The following NR1D1 variants were observed in gnomAD, a reference collection of about 807,000 sequenced individuals.
The protein encoded by NR1D1 is Rev-ErbAalpha.
In NR1D1, 17 loss-of-function variants were observed where a neutral mutation model predicts 51.1. That is an observed-to-expected ratio of 0.33 (90% CI 0.23 to 0.50). The LOEUF is 0.50. Ranked by LOEUF, NR1D1 falls within the 20% of genes least tolerant of loss-of-function variation. The pLI is 0.98. For synonymous variants in NR1D1, 341 were observed against 333.4 expected (o/e 1.02, Z -0.25); for missense variants, 647 against 830.4 (o/e 0.78, Z 2.71).
chr17:40,099,934 C>G lies in NR1D1; in HGVS notation c.31+130G>C. The G allele has an allele frequency of 4.0e-6, 3 of 745,928 alleles. No individual in the cohort carries two copies. In the South Asian group the frequency reaches 4.6e-5, roughly 11 times the overall value. 46.2% of individuals were successfully genotyped at this position (745,928 alleles called of 1,614,324 possible). A position where few individuals can be genotyped will look rare whatever the true frequency, so the allele number is the denominator to read the frequency against. ...CTCTGGAAATCCCACACTAAAGCAC[C>G]GCAGCACGTTAGCAAATCTCCGGGC... On this transcript the variant is annotated intron_variant, in intron 1 of 7. Transcript: ENST00000246672.
chr17:40,096,639 G>A (rs1375501234), intron 3 of NR1D1, 52 bp from the exon 4 acceptor site: 2 of 1,613,874 alleles, frequency 1.2e-6, no homozygotes, highest in East Asian at 4.5e-5. Context: ...GGGCCTCTGT[G>A]TCCAGGGGGA....
chr17:40,093,025 A>C lies in NR1D1; in HGVS notation c.*58T>G, dbSNP rs769906494. On this transcript the variant is annotated 3_prime_UTR_variant, in exon 8 of 8. Transcript: ENST00000246672. The surrounding 1 kb of genome is among the most constrained non-coding windows in gnomAD (Gnocchi z 5.9). ...TTCCTTTTCGTCTCGTAAAGGAGAG[A>C]GAAGTGCAGAGTTCGATTCTGTACA... 2 of 1,611,062 alleles carry C rather than the reference A, an allele frequency of 1.2e-6. No homozygotes were observed. The highest frequency in any genetic ancestry group is 1.7e-6 in the Non-Finnish European group (2 of 1,177,372).
Position 40,092,867 on chromosome 17 carries a change from G to A in NR1D1, c.*216C>T, listed in dbSNP as rs567142236. The A allele has an allele frequency of 7.1e-5, 77 of 1,089,794 alleles. No individual in the cohort carries two copies. The Admixed American group carries it at 8.7e-4, about 12-fold the overall frequency. The allele number at this position is 1,089,794 out of a possible 1,614,324, so 67.5% of individuals were successfully genotyped here. ...CCAGGGGAGGGTTGTGGGGGAGACA[G>A]AGTGGTTTAAATAGGGGAGGAGGGG... On this transcript the variant is annotated 3_prime_UTR_variant, in exon 8 of 8. Transcript: ENST00000246672.
At chr17:40,095,160 G>C (rs1316972742) in intron 5 of NR1D1, 40 bp from the exon 6 acceptor site, 1 of 1,587,738 alleles carries the variant, frequency 6.3e-7, no homozygotes. Context: ...GTGTCAGCCA[G>C]GCTGGGTCAG....
rs1369356695 is a variant in NR1D1, at chr17:40,100,374, A to G, written c.-280T>C. 3 of 584,046 alleles carry G rather than the reference A, an allele frequency of 5.1e-6. No homozygotes were observed. The highest frequency in any genetic ancestry group is 9.2e-6 in the Non-Finnish European group (3 of 327,386). 36.2% of individuals were successfully genotyped at this position (584,046 alleles called of 1,614,324 possible). A position where few individuals can be genotyped will look rare whatever the true frequency, so the allele number is the denominator to read the frequency against. ...GCAGTAGTTCTGGCTAGAAGGTAGCAAGGAGGGTCGGGTCTCTGCAGTGTA... is the reference window on the plus strand; with the variant it reads ...GCAGTAGTTCTGGCTAGAAGGTAGCGAGGAGGGTCGGGTCTCTGCAGTGTA... On this transcript the variant is annotated 5_prime_UTR_variant, in exon 1 of 8. Transcript: ENST00000246672.
intron 2 of NR1D1, 53 bp downstream of exon 2, chr17:40,097,012 A>G: frequency 6.6e-7 from 1 of 1,507,066 alleles, no homozygotes; most frequent in African/African-American, 1.4e-5. Context: ...ACCCATTCCC[A>G]ATCTGGCCCT....
chr17:40,097,541 T>C, intron 1 of NR1D1, 138 bp from the exon 2 acceptor site: 1 of 699,046 alleles, frequency 1.4e-6, no homozygotes, highest in Non-Finnish European at 2.4e-6. Flanking sequence ...AATCTTGGAG[T>C]TAATAAGCAA....
chr17:40,093,819 C>G lies in NR1D1; in HGVS notation c.1645+93G>C, dbSNP rs1001339408. On this transcript the variant is annotated intron_variant, in intron 7 of 7. Transcript: ENST00000246672. This position sits in a 1 kb window ranked among gnomAD's most constrained non-coding sequence, Gnocchi z 5.9. ...ATGTCTGTATCCCCAGTGCCCGGTG[C>G]AGGGCCTGGCATAGAGTAGGTACTC... is the stretch of plus-strand genomic sequence containing the variant. 2 of 1,157,268 alleles carry G rather than the reference C, an allele frequency of 1.7e-6. No homozygotes were observed. Among genetic ancestry groups the G allele is most frequent in the African/African-American group, 3.0e-5 (2 of 65,938 alleles). The allele number at this position is 1,157,268 out of a possible 1,614,324, so 71.7% of individuals were successfully genotyped here. A position where few individuals can be genotyped will look rare whatever the true frequency, so the allele number is the denominator to read the frequency against.
Position 40,096,594 on chromosome 17 carries a change from G to T in NR1D1, c.460-7C>A. Reference sequence around the variant, plus strand: ...TGCTCCGACGGAAAAAGCCCTGGAGGGCAGGGGTGGTTAGTGACCACCTCC... The same window carrying T: ...TGCTCCGACGGAAAAAGCCCTGGAGTGCAGGGGTGGTTAGTGACCACCTCC... On this transcript the variant is annotated splice_polypyrimidine_tract_variant and splice_region_variant and intron_variant, in intron 3 of 7. Coordinates refer to ENST00000246672, the MANE Select transcript of NR1D1 (RefSeq NM_021724.5). The T allele has an allele frequency of 6.2e-7, 1 of 1,614,034 alleles. No individual in the cohort carries two copies. Among genetic ancestry groups the T allele is most frequent in the Middle Eastern group, 1.6e-4 (1 of 6,062 alleles).
intron 4 of NR1D1, 45 bp from the exon 5 acceptor site, chr17:40,096,132 C>A: frequency 1.3e-6 from 2 of 1,586,092 alleles, no homozygotes; most frequent in South Asian, 1.1e-5. Flanking sequence ...CAACCATGCT[C>A]ACGTGCTTCT....
intron 5 of NR1D1, 127 bp from the exon 6 acceptor site, chr17:40,095,247 GATA>G: frequency 8.6e-7 from 1 of 1,168,546 alleles, no homozygotes; most frequent in Non-Finnish European, 1.2e-6. Context: ...GGGTCTTTCA[GATA>G]AAGTAGCAAT....
In NR1D1 at chr17:40,095,476, G is replaced by A. The variant is rs774654936; in HGVS notation, c.1216C>T (p.Pro406Ser). ...ACATTCTTTGAGTTGCCCTGCCGGG[G>A]ACTGTTGGCAGGTGCCTTGCCTTCT... is the stretch of plus-strand genomic sequence containing the variant. Reference protein sequence around the residue: ...APEGKAPANSPRQGNSKNVLL... With the variant: ...APEGKAPANSSRQGNSKNVLL... The change falls in exon 5 of 8, where the codon CCC becomes TCC. Residue 406 changes from proline to serine, a missense_variant. Pro to Ser is a moderately conservative substitution (Grantham distance 74). Coordinates refer to ENST00000246672, the MANE Select transcript of NR1D1 (RefSeq NM_021724.5). 3 of 1,542,296 alleles carry A rather than the reference G, an allele frequency of 1.9e-6. No individual in the cohort carries two copies. The highest frequency in any genetic ancestry group is 1.2e-5 in the South Asian group (1 of 80,306).
chr17:40,093,896 C>T lies in NR1D1; in HGVS notation c.1645+16G>A, dbSNP rs140575858. The stretch of plus-strand genomic sequence containing the variant: ...CGTCTGCCTCCTCCCCCGGGTCAGG[C>T]GAGAGCCTGACCTACCTGCAGAGAC... On this transcript the variant is annotated intron_variant, in intron 7 of 7. Transcript: ENST00000246672. The surrounding 1 kb of genome is among the most constrained non-coding windows in gnomAD (Gnocchi z 5.9). 2.7e-5 allele frequency: 44 copies of T among 1,606,106 alleles called. No individual in the cohort carries two copies. Among genetic ancestry groups the T allele is most frequent in the East Asian group, 2.0e-4 (9 of 44,834 alleles).
chr17:40,096,064 TG>T lies in NR1D1; in HGVS notation c.627del (p.Lys210AsnfsTer15). Reference sequence around the variant, plus strand: ...GCAAGCATCCGCTGCTTCTCTCGTTTGGGGATGCGCCCAAAACGCACAGCTG... The same window carrying T: ...GCAAGCATCCGCTGCTTCTCTCGTTTGGGATGCGCCCAAAACGCACAGCTG... Reference protein sequence around the residue: ...SRDAVRFGRIPKREKQRMLAE... With the variant: ...SRDAVRFGRIXKREKQRMLAE... On this transcript the variant is annotated frameshift_variant, in exon 5 of 8. Transcript: ENST00000246672. LOFTEE classifies it high-confidence loss of function. The T allele has an allele frequency of 6.2e-7, 1 of 1,612,704 alleles. No homozygotes were observed. The highest frequency in any genetic ancestry group is 8.5e-7 in the Non-Finnish European group (1 of 1,179,950).
chr17:40,096,852 G>C, intron 2 of NR1D1, 73 bp from the exon 3 acceptor site: 1 of 1,475,808 alleles, frequency 6.8e-7, no homozygotes, highest in Non-Finnish European at 9.4e-7. Context: ...GGCTTTCTGG[G>C]CCGGAGATCC....
intron 1 of NR1D1, among the ~76,000 whole-genome samples, chr17:40,098,389 C>CT (rs1489561741): frequency 2.0e-5 from 3 of 152,260 alleles, no homozygotes; most frequent in South Asian, 2.1e-4. Context: ...CAGGGCGGCC[C>CT]TAAAATAGCT....
Position 40,092,913 on chromosome 17 carries a change from G to T in NR1D1, c.*170C>A. ...AGGGGAAGTTCGGTGATGGGGGAGGGAGGCAGGTATTTACAAGAAGGCTCA... is the reference window on the plus strand; with the variant it reads ...AGGGGAAGTTCGGTGATGGGGGAGGTAGGCAGGTATTTACAAGAAGGCTCA... On this transcript the variant is annotated 3_prime_UTR_variant, in exon 8 of 8. Coordinates refer to ENST00000246672, the MANE Select transcript of NR1D1 (RefSeq NM_021724.5). The T allele has an allele frequency of 6.8e-7, 1 of 1,462,916 alleles. No individual in the cohort carries two copies. Among genetic ancestry groups the T allele is most frequent in the Non-Finnish European group, 9.1e-7 (1 of 1,096,826 alleles). 90.6% of individuals were successfully genotyped at this position (1,462,916 alleles called of 1,614,324 possible).
chr17:40,096,929 G>A (rs1004128148), intron 2 of NR1D1, 136 bp downstream of exon 2: 1 of 1,176,958 alleles, frequency 8.5e-7, no homozygotes, highest in African/African-American at 1.5e-5. Flanking sequence ...CTGGGCTGAA[G>A]AGGGGCTGGT....
In NR1D1 at chr17:40,100,526, A is replaced by G. The variant is rs1987858614; in HGVS notation, c.-432T>C. ...AGTAGGTGATGGGGAGAAACGGGGCACCGAGTCGCAAAGAGGCGAGACGTG... is the reference window on the plus strand; with the variant it reads ...AGTAGGTGATGGGGAGAAACGGGGCGCCGAGTCGCAAAGAGGCGAGACGTG... On this transcript the variant is annotated 5_prime_UTR_variant, in exon 1 of 8. Transcript: ENST00000246672. 6.7e-6 allele frequency: 3 copies of G among 444,652 alleles called. No individual in the cohort carries two copies. The East Asian group carries it at 1.0e-4, about 15-fold the overall frequency. The allele number at this position is 444,652 out of a possible 1,614,324, so 27.5% of individuals were successfully genotyped here.
Sources: allele counts gnomAD v4.1 joint callset (sites outside exome capture counted in the v4.1 genomes callset), GRCh38; gene constraint gnomAD v4.1.1; non-coding constraint Gnocchi (gnomAD v3.1); transcripts MANE v1.5; gene names NCBI Gene and HGNC (gene_info 2026-07-23, HGNC 2026-07-21).